FAM120C: variants seen among roughly 807,000 people sequenced by gnomAD.
FAM120C encodes the protein constitutive coactivator of PPAR-gamma-like protein 2.
Under a neutral mutation model 71.2 loss-of-function variants are expected in FAM120C, and 14 were observed. The observed-to-expected ratio is 0.20, with a 90% CI of 0.13 to 0.31. The LOEUF (loss-of-function observed/expected upper bound fraction) is 0.31. Ranked by LOEUF, FAM120C falls within the 10% of genes least tolerant of loss-of-function variation. FAM120C has a pLI of 1.00. For synonymous variants in FAM120C, 354 were observed against 353.2 expected, an observed-to-expected ratio of 1.00 and a Z score of -0.03; for missense variants, 500 against 879.0, an observed-to-expected ratio of 0.57 and a Z score of 5.45.
chrX:54,105,138 A>G (rs1054193012), intron 10 of FAM120C, among the ~76,000 whole-genome samples: 1 of 111,828 alleles, frequency 8.9e-6, no homozygotes, highest in East Asian at 2.8e-4. Flanking sequence ...TCCCTGATGA[A>G]CATCGATGCG....
chrX:54,127,584 C>CAAAAAAAAA (rs782016062), intron 9 of FAM120C, among the ~76,000 whole-genome samples: 1 of 25,191 alleles, frequency 4.0e-5, no homozygotes, highest in Non-Finnish European at 7.5e-5. Flanking sequence ...GACTCCATCT[C>CAAAAAAAAA]AAAAAAAAAA....
chrX:54,173,901 T>G (rs1557136305), intron 1 of FAM120C: 1 of 358,045 alleles, frequency 2.8e-6, no homozygotes, highest in African/African-American at 2.6e-5. Context: ...CTGGGTCCTC[T>G]GGCTCAAGGT....
chrX:54,091,972 G>C (rs1394204865), intron 10 of FAM120C, among the ~76,000 whole-genome samples: 1 of 111,158 alleles, frequency 9.0e-6, no homozygotes, highest in Admixed American at 9.7e-5. Flanking sequence ...GTGGTGGAAA[G>C]TGCGGTCATG....
In FAM120C at chrX:54,072,968, G is replaced by C; in HGVS notation, c.*65C>G. The C allele has an allele frequency of 8.8e-7, 1 of 1,136,623 alleles. No homozygotes were observed. The highest frequency in any genetic ancestry group is 3.0e-5 in the East Asian group (1 of 33,176). 93.7% of individuals were successfully genotyped at this position (1,136,623 alleles called of 1,213,427 possible). A position where few individuals can be genotyped will look rare whatever the true frequency, so the allele number is the denominator to read the frequency against. On this transcript the variant is annotated 3_prime_UTR_variant, in exon 16 of 16. Coordinates refer to ENST00000375180, the MANE Select transcript of FAM120C (RefSeq NM_017848.6). ...AGCATTTATATCCTCCTCTAGCTTG[G>C]GCCTAAAATCAGAAAAGTAAAAGTT...
At position 54,083,433 on chromosome X, in the gene FAM120C, C is replaced by CCACACACACACACACACA. The variant is rs781964795; in HGVS notation, c.2840-1991_2840-1974dup. 3.6e-3 allele frequency among the ~76,000 whole-genome samples: 286 copies of CCACACACACACACACACA among 78,926 alleles called. 2 individuals are homozygous for CCACACACACACACACACA. Among genetic ancestry groups the CCACACACACACACACACA allele is most frequent in the African/African-American group, 0.011 (232 of 21,063 alleles). The allele number at this position is 78,926 out of a possible 115,157, so 68.5% of individuals were successfully genotyped here. The stretch of plus-strand genomic sequence containing the variant: ...AGGGCAACATAGCGAGACCCCATCT[C>CCACACACACACACACACA]CACACACACACACACACACACACAC... On this transcript the variant is annotated intron_variant, in intron 13 of 15. Coordinates refer to ENST00000375180, the MANE Select transcript of FAM120C (RefSeq NM_017848.6).
chrX:54,183,092 T>C lies in FAM120C; in HGVS notation c.107A>G (p.Gln36Arg), dbSNP rs1557137872. The part of the protein sequence containing the change: ...LARTVSRQQQ[Q>R]QHLHRQLPPT... ...CGGCAGCTGGCGGTGCAAGTGCTGC[T>C]GCTGCTGCTGGCGCGAGACCGTGCG... The change falls in exon 1 of 16, where the codon CAG becomes CGG. Residue 36 changes from glutamine to arginine, a missense_variant. Transcript: ENST00000375180. The C allele has an allele frequency of 8.6e-7, 1 of 1,156,800 alleles. No individual in the cohort carries two copies. The highest frequency in any genetic ancestry group is 1.9e-5 in the South Asian group (1 of 52,267).
Position 54,072,926 on chromosome X carries a change from T to G in FAM120C, c.*107A>C, listed in dbSNP as rs1284228589. On this transcript the variant is annotated 3_prime_UTR_variant, in exon 16 of 16. Coordinates refer to ENST00000375180, the MANE Select transcript of FAM120C (RefSeq NM_017848.6). ...ACAATAGGACATCCCACCAAAATCC[T>G]GGAGAAATCTAGGGTAAGCATTTAT... The G allele has an allele frequency of 1.0e-6, 1 of 1,002,316 alleles. No individual in the cohort carries two copies. The highest frequency in any genetic ancestry group is 1.3e-6 in the Non-Finnish European group (1 of 750,058). 82.6% of individuals were successfully genotyped at this position (1,002,316 alleles called of 1,213,427 possible). A position where few individuals can be genotyped will look rare whatever the true frequency, so the allele number is the denominator to read the frequency against.
At chrX:54,088,591 CA>C (rs1230524883) in intron 11 of FAM120C, among the ~76,000 whole-genome samples, 30 of 32,918 alleles carry the variant, frequency 9.1e-4, no homozygotes, top group African/African-American at 3.7e-3. Flanking sequence ...GACTCCATCT[CA>C]AAAAAAAAAA....
intron 10 of FAM120C, among the ~76,000 whole-genome samples, chrX:54,108,198 A>G (rs1311644918): frequency 9.1e-6 from 1 of 109,490 alleles, no homozygotes; most frequent in African/African-American, 3.3e-5. Flanking sequence ...TCATGGCGAT[A>G]TCTATCAAGT....
chrX:54,143,414 G>T (rs1449106178), intron 4 of FAM120C, among the ~76,000 whole-genome samples: 1 of 85,865 alleles, frequency 1.2e-5, no homozygotes, highest in African/African-American at 4.2e-5. Flanking sequence ...TTGATAGACC[G>T]CTAGCAAGAC....
At chrX:54,088,008 T>C (rs1557122171) in intron 11 of FAM120C, 44 bp from the exon 12 acceptor site, 12 of 1,046,061 alleles carry the variant, frequency 1.1e-5, no homozygotes, top group Non-Finnish European at 1.6e-5. Context: ...GAAACTACTA[T>C]TCTTGGTAAC....
chrX:54,115,571 C>T (rs1162395445), intron 10 of FAM120C, among the ~76,000 whole-genome samples: 6 of 111,582 alleles, frequency 5.4e-5, no homozygotes, highest in Non-Finnish European at 7.5e-5. Flanking sequence ...TTTACAGGAT[C>T]GAGAAATTCT....
chrX:54,111,820 G>GT (rs2066938860), intron 10 of FAM120C, among the ~76,000 whole-genome samples: 1 of 111,843 alleles, frequency 8.9e-6, no homozygotes, highest in Admixed American at 9.6e-5. Context: ...AAGAGCTTAA[G>GT]TAGCCAAAAC....
rs1018510645 is a variant in FAM120C at position 54,146,703 on chromosome X, A to C, written c.1158+4542T>G. 7.2e-5 allele frequency among the ~76,000 whole-genome samples: 8 copies of C among 111,701 alleles called. No homozygotes were observed. In the East Asian group the frequency reaches 2.2e-3, roughly 31 times the overall value. ...CTCTAAATGAATGAATGAATGAATG[A>C]ATGTGGTGGAATCACTAACCAATTT... On this transcript the variant is annotated intron_variant, in intron 4 of 15. Coordinates refer to ENST00000375180, the MANE Select transcript of FAM120C (RefSeq NM_017848.6).
At chrX:54,105,565 C>T (rs185773295) in intron 10 of FAM120C, among the ~76,000 whole-genome samples, 4 of 111,320 alleles carry the variant, frequency 3.6e-5, no homozygotes, top group African/African-American at 9.8e-5. Context: ...CCAGGGCAAT[C>T]GGGCAAGAGA....
At chrX:54,097,645 G>T (rs2146571857) in intron 10 of FAM120C, among the ~76,000 whole-genome samples, 1 of 111,064 alleles carries the variant, frequency 9.0e-6, no homozygotes, top group South Asian at 3.8e-4. Flanking sequence ...ATGTATTTTG[G>T]GACATAGATA....
chrX:54,151,572 A>C (rs1254020556), intron 3 of FAM120C, among the ~76,000 whole-genome samples, 199 bp from the exon 4 acceptor site: 4 of 112,128 alleles, frequency 3.6e-5, no homozygotes, highest in Non-Finnish European at 7.5e-5. Context: ...AAAGCAATAA[A>C]AACATATCAT....
intron 12 of FAM120C, 114 bp from the exon 13 acceptor site, chrX:54,086,030 G>A: frequency 1.6e-6 from 1 of 640,400 alleles, no homozygotes; most frequent in Non-Finnish European, 2.4e-6. Context: ...CCCATTAAGT[G>A]AACTGAGGCC....
intron 10 of FAM120C, among the ~76,000 whole-genome samples, chrX:54,097,590 G>A (rs1273134369): frequency 8.9e-6 from 1 of 111,962 alleles, no homozygotes; most frequent in Non-Finnish European, 1.9e-5. Flanking sequence ...TATTAACAGT[G>A]TCCTAACTGT....
Sources: gnomAD v4.1 joint callset for allele counts (sites outside exome capture counted in the v4.1 genomes callset) on GRCh38, gnomAD v4.1.1 for gene constraint, MANE v1.5 for transcripts, NCBI Gene and HGNC (gene_info 2026-07-23, HGNC 2026-07-21) for gene names.